PALS1: variants seen among roughly 807,000 people sequenced by gnomAD.
PALS1 encodes protein PALS1.
In PALS1, 31 loss-of-function variants were observed where a neutral mutation model predicts 78.9. The ratio of observed to expected loss-of-function variants is 0.39; its 90% CI spans 0.30 to 0.53. The LOEUF is 0.53. Ranked by LOEUF, PALS1 falls within the 20% of genes least tolerant of loss-of-function variation. PALS1 has a pLI of 0.67. For synonymous variants in PALS1, 276 were observed against 270.9 expected, an observed-to-expected ratio of 1.02 and a Z score of -0.18; for missense variants, 704 against 826.5, an observed-to-expected ratio of 0.85 and a Z score of 1.82.
chr14:67,250,052 C>T (rs2084044149), intron 1 of PALS1, among the ~76,000 whole-genome samples: 1 of 152,024 alleles, frequency 6.6e-6, no homozygotes, highest in Admixed American at 6.5e-5. Context: ...TTTTATGAAG[C>T]TGGTTGAGAT....
At chr14:67,301,928 A>G (rs758011453) in intron 5 of PALS1, 44 bp from the exon 6 acceptor site, 48 of 1,560,946 alleles carry the variant, frequency 3.1e-5, no homozygotes, top group Non-Finnish European at 4.1e-5. Flanking sequence ...CTGCAGAAAT[A>G]AATCATGCTG....
chr14:67,331,633 A>G (rs1341928615), intron 14 of PALS1, among the ~76,000 whole-genome samples: 1 of 152,156 alleles, frequency 6.6e-6, no homozygotes, highest in African/African-American at 2.4e-5. Context: ...TTTGAAAGAG[A>G]ACTTCAGACA....
rs1023202209 is a variant in PALS1 at position 67,334,609 on chromosome 14, C to T, written c.*1653C>T. ...CTTTTTCTGTTCAAATTTGCATGGC[C>T]TATTAAGTTGGCTGGAGAGTGTTTT... is the stretch of plus-strand genomic sequence containing the variant. On this transcript the variant is annotated 3_prime_UTR_variant, in exon 15 of 15. Coordinates refer to ENST00000261681, the MANE Select transcript of PALS1 (RefSeq NM_022474.4). The T allele has an allele frequency of 3.9e-5, 6 of 152,412 alleles. No homozygotes were observed. Among genetic ancestry groups the T allele is most frequent in the Admixed American group, 6.6e-5 (1 of 15,256 alleles). The allele number at this position is 152,412 out of a possible 1,614,324, so 9.4% of individuals were successfully genotyped here.
intron 3 of PALS1, among the ~76,000 whole-genome samples, chr14:67,286,125 T>C (rs1408984785): frequency 6.6e-6 from 1 of 152,234 alleles, no homozygotes; most frequent in Non-Finnish European, 1.5e-5. Context: ...GTTACAGACT[T>C]GAATTTACTA....
chr14:67,278,962 A>G, intron 2 of PALS1, 56 bp from the exon 3 acceptor site: 2 of 451,066 alleles, frequency 4.4e-6, no homozygotes, highest in Non-Finnish European at 7.7e-6. Flanking sequence ...GCTCTGTAAA[A>G]ACCTGCTTTT....
intron 13 of PALS1, 135 bp downstream of exon 13, chr14:67,321,394 T>A: frequency 1.3e-6 from 1 of 784,946 alleles, no homozygotes. Flanking sequence ...ACTGATTTGC[T>A]ATCTGAAATC....
chr14:67,296,222 C>CTTT (rs954049763), intron 4 of PALS1, among the ~76,000 whole-genome samples: 2 of 152,060 alleles, frequency 1.3e-5, no homozygotes, highest in African/African-American at 4.8e-5. Flanking sequence ...GCATTCCATG[C>CTTT]TCAAAGGGTA....
intron 8 of PALS1, among the ~76,000 whole-genome samples, chr14:67,310,393 A>C (rs555204641): frequency 7.9e-5 from 12 of 152,308 alleles, no homozygotes; most frequent in Admixed American, 1.3e-4. Flanking sequence ...TATATGAATT[A>C]ATATACAGGG....
chr14:67,301,642 G>T (rs969955629), intron 5 of PALS1, among the ~76,000 whole-genome samples, 176 bp downstream of exon 5: 4 of 152,100 alleles, frequency 2.6e-5, no homozygotes, highest in African/African-American at 9.7e-5. Context: ...GATTTAAAAT[G>T]AACCAAATTA....
chr14:67,287,242 C>T (rs950478902), intron 3 of PALS1, among the ~76,000 whole-genome samples: 2 of 151,606 alleles, frequency 1.3e-5, no homozygotes, highest in African/African-American at 4.8e-5. Flanking sequence ...AAAAAAAAGA[C>T]ACTGGAGATT....
chr14:67,241,988 A>G (rs922287336), intron 1 of PALS1: 2 of 152,208 alleles, frequency 1.3e-5, no homozygotes, highest in African/African-American at 4.8e-5. Context: ...AGCTGCTGGT[A>G]TTCTGCTGCT....
chr14:67,241,559 G>C (rs1211600097), intron 1 of PALS1, 26 bp downstream of exon 1: 1 of 153,124 alleles, frequency 6.5e-6, no homozygotes, highest in Non-Finnish European at 1.5e-5. Context: ...GCGGCGGCTG[G>C]GCTGTAGAGA....
rs960797 is a variant in PALS1, at chr14:67,333,599, G to A, written c.*643G>A. 0.19 allele frequency: 29,175 copies of A among 152,318 alleles called. 4,486 individuals are homozygous for A. The highest frequency in any genetic ancestry group is 0.48 in the East Asian group (2,501 of 5,182). The allele number at this position is 152,318 out of a possible 1,614,324, so 9.4% of individuals were successfully genotyped here. On this transcript the variant is annotated 3_prime_UTR_variant, in exon 15 of 15. Transcript: ENST00000261681. ...TTAGAAGCACCAGTTTTTTTGCTCAGACTTTGTGGATCAGACTCTACACTC... is the reference window on the plus strand; with the variant it reads ...TTAGAAGCACCAGTTTTTTTGCTCAAACTTTGTGGATCAGACTCTACACTC...
At chr14:67,275,336 T>C (rs1215943228) in intron 2 of PALS1, among the ~76,000 whole-genome samples, 1 of 152,236 alleles carries the variant, frequency 6.6e-6, no homozygotes, top group African/African-American at 2.4e-5. Flanking sequence ...TGAAGGGCTA[T>C]TGAATTTTGT....
At chr14:67,246,705 CAGTGGCACG>C (rs2083993523) in intron 1 of PALS1, among the ~76,000 whole-genome samples, 1 of 136,026 alleles carries the variant, frequency 7.4e-6, no homozygotes. Context: ...GGCTGGAGTG[CAGTGGCACG>C]ATATCAGCTC....
intron 1 of PALS1, among the ~76,000 whole-genome samples, chr14:67,248,355 TAAA>T (rs918290115): frequency 6.8e-6 from 1 of 147,106 alleles, no homozygotes; most frequent in Non-Finnish European, 1.5e-5. Context: ...TCTCTTTTCT[TAAA>T]AAAAAAAGGA....
chr14:67,285,666 C>G (rs1308152659), intron 3 of PALS1, among the ~76,000 whole-genome samples: 2 of 152,116 alleles, frequency 1.3e-5, no homozygotes, highest in Non-Finnish European at 2.9e-5. Context: ...CTGCGCCTGA[C>G]CCCCTTAGGT....
At chr14:67,326,504 A>G (rs903321364) in intron 14 of PALS1, among the ~76,000 whole-genome samples, 1 of 152,086 alleles carries the variant, frequency 6.6e-6, no homozygotes, top group African/African-American at 2.4e-5. Flanking sequence ...CCTACAATAC[A>G]TGCATTTTAG....
At chr14:67,284,569 A>C (rs1171529699) in intron 3 of PALS1, among the ~76,000 whole-genome samples, 4 of 142,360 alleles carry the variant, frequency 2.8e-5, no homozygotes, top group African/African-American at 2.5e-5. Context: ...AAAAAAAAAA[A>C]AAAAAAAAAA....
Sources: allele counts gnomAD v4.1 joint callset (sites outside exome capture counted in the v4.1 genomes callset), GRCh38; gene constraint gnomAD v4.1.1; transcripts MANE v1.5; gene names NCBI Gene and HGNC (gene_info 2026-07-23, HGNC 2026-07-21).